The following USP9X variants were observed in gnomAD, a reference collection of about 807,000 sequenced individuals.
USP9X encodes the protein ubiquitin specific peptidase 9 X-linked.
In USP9X, 7 loss-of-function variants were observed where a neutral mutation model predicts 190.3. The observed-to-expected ratio is 0.04, with a 90% CI of 0.02 to 0.07. USP9X has a LOEUF of 0.07. Ranked by LOEUF, USP9X falls within the 10% of genes least tolerant of loss-of-function variation. The probability of loss-of-function intolerance (pLI) is 1.00; values close to 1 mark genes in which losing one functional copy is unlikely to be tolerated. For synonymous variants in USP9X, 645 were observed against 659.5 expected, an observed-to-expected ratio of 0.98 and a Z score of 0.34; for missense variants, 1,010 against 1,916.9, an observed-to-expected ratio of 0.53 and a Z score of 8.83.
chrX:41,087,263 GTTTGTATAC>G lies in USP9X; in HGVS notation c.-159+1158_-159+1166del, dbSNP rs1195255576. On this transcript the variant is annotated intron_variant, in intron 1 of 44. Coordinates refer to ENST00000378308, the MANE Select transcript of USP9X (RefSeq NM_001039591.3). ...CCATGAGTCCCTAAATCTACTTAAC[GTTTGTATAC>G]TTTCACTTTTGAGGAAGAATGATTT... 4.5e-5 allele frequency among the ~76,000 whole-genome samples: 5 copies of G among 112,074 alleles called. 1 individual carries two copies. The highest frequency in any genetic ancestry group is 1.6e-4 in the African/African-American group (5 of 30,806).
At chrX:41,138,080 G>T (rs1014394718) in intron 6 of USP9X, among the ~76,000 whole-genome samples, 2 of 111,198 alleles carry the variant, frequency 1.8e-5, no homozygotes, top group African/African-American at 6.5e-5. Flanking sequence ...AAGCCTTCAA[G>T]AGTACAATTT....
chrX:41,197,563 T>C, intron 29 of USP9X, 53 bp downstream of exon 29: 4 of 1,055,209 alleles, frequency 3.8e-6, no homozygotes, highest in Non-Finnish European at 5.1e-6. Flanking sequence ...TCTAAATGTT[T>C]ATAATCAAAT....
chrX:41,217,881 C>A (rs1440507300), intron 36 of USP9X, among the ~76,000 whole-genome samples: 1 of 111,662 alleles, frequency 9.0e-6, no homozygotes, highest in Admixed American at 9.5e-5. Flanking sequence ...CAGAGCAAGA[C>A]CCTGTCTCAA....
intron 44 of USP9X, among the ~76,000 whole-genome samples, chrX:41,231,780 G>C (rs963988610): frequency 9.1e-6 from 1 of 109,760 alleles, no homozygotes. Flanking sequence ...TTGGCTGATG[G>C]AGCATGTACA....
chrX:41,143,535 C>A, intron 10 of USP9X, 92 bp downstream of exon 10: 1 of 811,732 alleles, frequency 1.2e-6, no homozygotes, highest in Non-Finnish European at 1.6e-6. Flanking sequence ...TGGATGCAGG[C>A]TTGTATTGTT....
intron 33 of USP9X, 150 bp from the exon 34 acceptor site, chrX:41,214,418 T>TAC: frequency 2.1e-6 from 1 of 471,081 alleles, no homozygotes; most frequent in East Asian, 4.8e-5. Context: ...GGCACATGTA[T>TAC]ACATATGTAA....
chrX:41,099,394 CCAAA>C (rs2062019787), intron 1 of USP9X, among the ~76,000 whole-genome samples: 3 of 110,904 alleles, frequency 2.7e-5, no homozygotes, highest in East Asian at 5.6e-4. Flanking sequence ...GTCAATACTG[CCAAA>C]CAGATTTCCC....
intron 14 of USP9X, among the ~76,000 whole-genome samples, chrX:41,154,903 G>C (rs1187382489): frequency 9.0e-6 from 1 of 110,651 alleles, no homozygotes; most frequent in African/African-American, 3.3e-5. Context: ...TGGGGGTGGG[G>C]GCAAATAATT....
intron 26 of USP9X, among the ~76,000 whole-genome samples, chrX:41,191,565 C>T (rs957427852): frequency 2.7e-5 from 3 of 111,645 alleles, no homozygotes; most frequent in African/African-American, 9.8e-5. Flanking sequence ...CTAACAAGGG[C>T]ATAATGATCA....
chrX:41,225,299 AG>A (rs1458944672), intron 41 of USP9X, among the ~76,000 whole-genome samples, 162 bp downstream of exon 41: 1 of 111,990 alleles, frequency 8.9e-6, no homozygotes, highest in Non-Finnish European at 1.9e-5. Context: ...CCTTTTCCTC[AG>A]AATTTTATTT....
At chrX:41,228,935 GT>G in intron 41 of USP9X, 1 of 130,258 alleles carries the variant, frequency 7.7e-6, no homozygotes, top group Admixed American at 8.3e-5. Context: ...GGCTAACACG[GT>G]GAAACCCCGT....
chrX:41,232,253 A>G, intron 44 of USP9X, 134 bp from the exon 45 acceptor site: 4 of 463,313 alleles, frequency 8.6e-6, no homozygotes, highest in Non-Finnish European at 1.3e-5. Context: ...GTTTTGCACT[A>G]TAGTAGTCCA....
chrX:41,211,600 T>C (rs7066743), intron 33 of USP9X, among the ~76,000 whole-genome samples: 15,500 of 91,749 alleles, frequency 0.17, 967 homozygotes, highest in Middle Eastern at 0.27. Flanking sequence ...TCTGCCCGGC[T>C]GCCCCTACTG....
chrX:41,198,434 T>C, intron 29 of USP9X, 94 bp from the exon 30 acceptor site: 1 of 505,511 alleles, frequency 2.0e-6, no homozygotes, highest in East Asian at 6.3e-5. Flanking sequence ...TAAATTCCAA[T>C]GAGTAATTTT....
intron 43 of USP9X, 36 bp from the exon 44 acceptor site, chrX:41,230,465 C>G (rs1352045163): frequency 1.8e-6 from 2 of 1,137,912 alleles, no homozygotes; most frequent in African/African-American, 1.8e-5. Context: ...TTGAGTTTGC[C>G]TACGTAATTT....
chrX:41,184,758 G>A (rs2062858813), intron 23 of USP9X, 83 bp downstream of exon 23: 9 of 832,745 alleles, frequency 1.1e-5, no homozygotes, highest in African/African-American at 2.1e-5. Flanking sequence ...TAAGTGTAGA[G>A]TTCAAGGTTG....
chrX:41,162,046 C>A (rs1413219371), intron 14 of USP9X, among the ~76,000 whole-genome samples: 1 of 111,337 alleles, frequency 9.0e-6, no homozygotes, highest in African/African-American at 3.3e-5. Context: ...GGGCTTTTTT[C>A]TTTACCAAAG....
intron 1 of USP9X, among the ~76,000 whole-genome samples, chrX:41,094,764 C>T (rs928529065): frequency 1.8e-5 from 2 of 109,844 alleles, no homozygotes; most frequent in African/African-American, 3.3e-5. Context: ...TGGGGCCAGG[C>T]GCGGTGGCTC....
chrX:41,125,684 A>ACACACACACACACACTCTCTCTCT, intron 2 of USP9X, among the ~76,000 whole-genome samples: 25 of 19,015 alleles, frequency 1.3e-3, no homozygotes, highest in East Asian at 5.8e-3. Flanking sequence ...ACACACACAC[A>ACACACACACACACACTCTCTCTCT]CTCTCTCTCT....
Sources: allele counts gnomAD v4.1 joint callset (sites outside exome capture counted in the v4.1 genomes callset), GRCh38; gene constraint gnomAD v4.1.1; transcripts MANE v1.5; gene names NCBI Gene and HGNC (gene_info 2026-07-23, HGNC 2026-07-21).